The following TMEM45A variants were observed in gnomAD, a reference collection of about 807,000 sequenced individuals.
TMEM45A encodes DNA polymerase-transactivated protein 4.
A neutral mutation model predicts 32.0 loss-of-function variants in TMEM45A; 25 were observed. The ratio of observed to expected loss-of-function variants is 0.78; its 90% CI spans 0.57 to 1.09. TMEM45A has a LOEUF of 1.09. Among genes scored for constraint, TMEM45A ranks in the 50% least tolerant of loss-of-function variants. The pLI is 0.00. For synonymous variants in TMEM45A, 122 were observed against 114.8 expected (o/e 1.06, Z -0.40); for missense variants, 302 against 325.0 (o/e 0.93, Z 0.54).
rs1044627035 is a variant in TMEM45A at position 100,496,969 on chromosome 3, G to A, written c.-4+4041G>A. Among the ~76,000 whole-genome samples the A allele has an allele frequency of 2.0e-5, 3 of 152,218 alleles. No homozygotes were observed. The South Asian group carries it at 6.2e-4, about 32-fold the overall frequency. ...TTATTTCTGGACATGCTGTGGTTTT[G>A]GGCTAAGAACTTCTCATGGTGAATA... On this transcript the variant is annotated intron_variant, in intron 1 of 5. Transcript: ENST00000323523.
In TMEM45A at chr3:100,532,946, G is replaced by A. The variant is rs567377782; in HGVS notation, c.-3-22263G>A. Among the ~76,000 whole-genome samples the A allele has an allele frequency of 1.4e-4, 21 of 152,202 alleles. No individual in the cohort carries two copies. The South Asian group carries it at 4.1e-3, about 30-fold the overall frequency. On this transcript the variant is annotated intron_variant, in intron 1 of 5. Coordinates refer to ENST00000323523, the MANE Select transcript of TMEM45A (RefSeq NM_018004.3). ...TGTTCCTTTTTGGACATAGACTTGG[G>A]GCTCAGTCTTGGTTCTGTGACAACA...
At chr3:100,547,279 G>A (rs1028015674) in intron 1 of TMEM45A, among the ~76,000 whole-genome samples, 7 of 151,722 alleles carry the variant, frequency 4.6e-5, no homozygotes, top group Admixed American at 4.6e-4. Flanking sequence ...GTGTCATCAC[G>A]CTGGGCTAAT....
At chr3:100,546,619 C>T (rs1705984616) in intron 1 of TMEM45A, among the ~76,000 whole-genome samples, 1 of 152,152 alleles carries the variant, frequency 6.6e-6, no homozygotes, top group Non-Finnish European at 1.5e-5. Context: ...AGTCCTATGC[C>T]CTCTGACTTT....
intron 1 of TMEM45A, among the ~76,000 whole-genome samples, chr3:100,514,720 C>T (rs548132254): frequency 2.0e-5 from 3 of 152,148 alleles, no homozygotes; most frequent in African/African-American, 7.2e-5. Context: ...TGTTCGCAAC[C>T]TACTCATCTG....
At chr3:100,565,048 G>A (rs1166876169) in intron 4 of TMEM45A, among the ~76,000 whole-genome samples, 1 of 152,180 alleles carries the variant, frequency 6.6e-6, no homozygotes, top group Non-Finnish European at 1.5e-5. Context: ...GTGGGAGAAA[G>A]AACATGGAGT....
intron 1 of TMEM45A, among the ~76,000 whole-genome samples, chr3:100,534,150 A>T (rs368546255): frequency 2.0e-5 from 3 of 152,224 alleles, no homozygotes; most frequent in Non-Finnish European, 4.4e-5. Context: ...CGATTTAAAA[A>T]TTTTTTTGTT....
chr3:100,568,262 A>G (rs984889443), intron 4 of TMEM45A, among the ~76,000 whole-genome samples: 2 of 152,160 alleles, frequency 1.3e-5, no homozygotes, highest in Admixed American at 6.5e-5. Flanking sequence ...GTGAATGTAG[A>G]TATTTTTGCC....
intron 1 of TMEM45A, among the ~76,000 whole-genome samples, chr3:100,512,022 A>T (rs1177504048): frequency 6.6e-6 from 1 of 152,186 alleles, no homozygotes; most frequent in Non-Finnish European, 1.5e-5. Context: ...CACATTAATA[A>T]TGGGAGACTT....
intron 1 of TMEM45A, among the ~76,000 whole-genome samples, chr3:100,517,532 G>C (rs1182219138): frequency 1.3e-5 from 2 of 152,328 alleles, no homozygotes; most frequent in East Asian, 3.9e-4. Context: ...CCTTTTCCAT[G>C]TGTTAGTTAA....
At chr3:100,553,510 C>A (rs987927180) in intron 1 of TMEM45A, among the ~76,000 whole-genome samples, 15 of 152,046 alleles carry the variant, frequency 9.9e-5, no homozygotes, top group African/African-American at 3.4e-4. Context: ...CAGAAAAGTT[C>A]AAAAAATTTG....
chr3:100,493,465 A>C (rs557393899), intron 1 of TMEM45A, among the ~76,000 whole-genome samples: 13 of 152,172 alleles, frequency 8.5e-5, no homozygotes, highest in Admixed American at 6.5e-4. Context: ...GTTGCAAGCC[A>C]AATATATATC....
chr3:100,551,109 G>C (rs1224425297), intron 1 of TMEM45A, among the ~76,000 whole-genome samples: 1 of 151,350 alleles, frequency 6.6e-6, no homozygotes, highest in Non-Finnish European at 1.5e-5. Flanking sequence ...CGCCTCCCGG[G>C]TTCACGCCAT....
At chr3:100,494,178 C>G (rs1032622986) in intron 1 of TMEM45A, among the ~76,000 whole-genome samples, 8 of 152,208 alleles carry the variant, frequency 5.3e-5, no homozygotes, top group African/African-American at 1.9e-4. Flanking sequence ...CTGAGACCCA[C>G]TCCATCTGAA....
At chr3:100,521,236 C>T (rs1021323131) in intron 1 of TMEM45A, among the ~76,000 whole-genome samples, 2 of 151,540 alleles carry the variant, frequency 1.3e-5, no homozygotes, top group Middle Eastern at 3.2e-3. Flanking sequence ...AGATGGGATA[C>T]GGTAGGGTTT....
intron 1 of TMEM45A, among the ~76,000 whole-genome samples, chr3:100,547,319 A>C (rs2148972626): frequency 6.6e-6 from 1 of 152,036 alleles, no homozygotes; most frequent in East Asian, 1.9e-4. Context: ...ATGGGGTTTC[A>C]ACATGTTGGT....
At position 100,524,899 on chromosome 3, in the gene TMEM45A, A is replaced by G. The variant is rs1705511339; in HGVS notation, c.-3-30310A>G. 3.3e-5 allele frequency among the ~76,000 whole-genome samples: 5 copies of G among 152,282 alleles called. No individual in the cohort carries two copies. In the South Asian group the frequency reaches 1.0e-3, roughly 32 times the overall value. On this transcript the variant is annotated intron_variant, in intron 1 of 5. Transcript: ENST00000323523. ...CTGGAAATGTTGACTTAGTACAAAA[A>G]GAAAAAAAGGCCAGGCATGGTGGCT...
intron 1 of TMEM45A, among the ~76,000 whole-genome samples, chr3:100,525,355 A>G (rs1705521505): frequency 6.6e-6 from 1 of 152,226 alleles, no homozygotes; most frequent in Non-Finnish European, 1.5e-5. Context: ...AAATGTGGCT[A>G]CTGAAAAATT....
At chr3:100,554,967 GAC>G (rs1706183319) in intron 1 of TMEM45A, among the ~76,000 whole-genome samples, 1 of 152,176 alleles carries the variant, frequency 6.6e-6, no homozygotes. Flanking sequence ...TAAAACACTT[GAC>G]ACAGTGCAGA....
chr3:100,532,452 T>C (rs1304610811), intron 1 of TMEM45A, among the ~76,000 whole-genome samples: 8 of 152,214 alleles, frequency 5.3e-5, no homozygotes, highest in Admixed American at 5.2e-4. Flanking sequence ...CATTTAAAAA[T>C]GCAGATTCTG....
Sources: allele counts gnomAD v4.1 joint callset (sites outside exome capture counted in the v4.1 genomes callset), GRCh38; gene constraint gnomAD v4.1.1; transcripts MANE v1.5; gene names NCBI Gene and HGNC (gene_info 2026-07-23, HGNC 2026-07-21).